GRIA1: variants seen among roughly 807,000 people sequenced by gnomAD.
GRIA1 encodes the protein glutamate receptor 1.
GRIA1 carries 31 observed loss-of-function variants against 99.2 expected under a neutral mutation model. The ratio of observed to expected loss-of-function variants is 0.31; its 90% CI spans 0.23 to 0.42. The LOEUF (loss-of-function observed/expected upper bound fraction) is 0.42. GRIA1 is among the 10% of genes least tolerant of loss of function. GRIA1 has a pLI of 1.00. For synonymous variants in GRIA1, 438 were observed against 432.4 expected (o/e 1.01, Z -0.16); for missense variants, 782 against 1,157.5 (o/e 0.68, Z 4.71).
rs535594287 is a variant in GRIA1 at position 153,807,713 on chromosome 5, A to G, written c.2521-3312A>G. Among the ~76,000 whole-genome samples the G allele has an allele frequency of 4.6e-5, 7 of 152,342 alleles. No individual in the cohort carries two copies. The East Asian group carries it at 1.2e-3, about 25-fold the overall frequency. On this transcript the variant is annotated intron_variant, in intron 15 of 15. Coordinates refer to ENST00000285900, the MANE Select transcript of GRIA1 (RefSeq NM_000827.4). Reference sequence around the variant, plus strand: ...ATTGTCATACAACAGCAGAAAATACATAACCTAAGACACATTGCAAATTGA... The same window carrying G: ...ATTGTCATACAACAGCAGAAAATACGTAACCTAAGACACATTGCAAATTGA...
chr5:153,665,759 TG>T (rs1263111579), intron 5 of GRIA1, among the ~76,000 whole-genome samples: 1 of 152,152 alleles, frequency 6.6e-6, no homozygotes, highest in Non-Finnish European at 1.5e-5. Context: ...AATGGAATCT[TG>T]GGGGAGAACT....
chr5:153,738,691 A>ATAAT (rs890468623), intron 11 of GRIA1, among the ~76,000 whole-genome samples: 15 of 142,534 alleles, frequency 1.1e-4, no homozygotes, highest in Admixed American at 5.6e-4. Context: ...CTGGGCTCCT[A>ATAAT]TAATGTTGCG....
chr5:153,620,734 G>A (rs1026433830), intron 2 of GRIA1, among the ~76,000 whole-genome samples: 1 of 152,016 alleles, frequency 6.6e-6, no homozygotes. Flanking sequence ...GAGTCTTGGG[G>A]GATATTAAGG....
At position 153,686,251 on chromosome 5, in the gene GRIA1, C is replaced by T. The variant is rs77292199; in HGVS notation, c.1056C>T (p.Asn352=). 4,223 of 1,613,778 alleles carry T rather than the reference C, an allele frequency of 2.6e-3. 67 individuals carry two copies. The African/African-American group carries it at 0.042, about 16-fold the overall frequency. The change falls in exon 8 of 16, where the codon AAC becomes AAT. Residue 352 remains asparagine, a synonymous_variant. Transcript: ENST00000285900. ...TGCGATTTGAAGGTTTAACAGGAAA[C>T]GTGCAGTTTAATGAGAAAGGACGCC... ...QQVRFEGLTG[N]VQFNEKGRRT...
intron 5 of GRIA1, among the ~76,000 whole-genome samples, chr5:153,664,535 G>A (rs1236288084): frequency 6.6e-6 from 1 of 151,372 alleles, no homozygotes; most frequent in Non-Finnish European, 1.5e-5. Flanking sequence ...CAGGCTTCAT[G>A]CTTTTGCTGC....
intron 5 of GRIA1, among the ~76,000 whole-genome samples, chr5:153,673,789 C>A (rs1168659098): frequency 6.6e-6 from 1 of 152,190 alleles, no homozygotes; most frequent in Admixed American, 6.5e-5. Flanking sequence ...ACAGTCGAAG[C>A]CTTCTTGAGT....
At chr5:153,566,916 C>T (rs1363786460) in intron 2 of GRIA1, among the ~76,000 whole-genome samples, 3 of 151,808 alleles carry the variant, frequency 2.0e-5, no homozygotes, top group East Asian at 3.9e-4. Flanking sequence ...GGGGCTTCAC[C>T]ATATTGGCCA....
chr5:153,605,635 C>T lies in GRIA1; in HGVS notation c.221-41293C>T, dbSNP rs78749864. ...GACAATTCCCATTGCTCCAAATTCT[C>T]TCAAACACTTGGGATTGTAAGTCAT... On this transcript the variant is annotated intron_variant, in intron 2 of 15. Coordinates refer to ENST00000285900, the MANE Select transcript of GRIA1 (RefSeq NM_000827.4). 5.5e-3 allele frequency among the ~76,000 whole-genome samples: 843 copies of T among 152,302 alleles called. 9 individuals are homozygous for T. Among genetic ancestry groups the T allele is most frequent in the African/African-American group, 0.02 (819 of 41,576 alleles).
intron 11 of GRIA1, among the ~76,000 whole-genome samples, chr5:153,742,301 G>A (rs955841372): frequency 6.6e-6 from 1 of 152,156 alleles, no homozygotes; most frequent in African/African-American, 2.4e-5. Flanking sequence ...GGCGGTGGAT[G>A]ACTAACAATA....
intron 2 of GRIA1, among the ~76,000 whole-genome samples, chr5:153,522,309 T>C (rs1042279327): frequency 6.6e-6 from 1 of 152,220 alleles, no homozygotes; most frequent in East Asian, 1.9e-4. Context: ...CATGTAAAGT[T>C]GTTATTATTG....
At chr5:153,795,313 G>A (rs1765574983) in intron 14 of GRIA1, among the ~76,000 whole-genome samples, 1 of 152,128 alleles carries the variant, frequency 6.6e-6, no homozygotes, top group African/African-American at 2.4e-5. Context: ...GTGTTGGGCG[G>A]GCAGTGACAT....
intron 11 of GRIA1, among the ~76,000 whole-genome samples, chr5:153,757,938 T>C (rs995968344): frequency 2.6e-5 from 4 of 152,160 alleles, no homozygotes; most frequent in Non-Finnish European, 5.9e-5. Context: ...GTAAATCACT[T>C]ACATTATTAG....
intron 11 of GRIA1, among the ~76,000 whole-genome samples, chr5:153,706,525 C>A (rs1758908452): frequency 6.6e-6 from 1 of 152,140 alleles, no homozygotes. Flanking sequence ...AATATCTTGC[C>A]AATGTTACAC....
chr5:153,591,285 G>C (rs536988762), intron 2 of GRIA1, among the ~76,000 whole-genome samples: 1 of 152,116 alleles, frequency 6.6e-6, no homozygotes, highest in Non-Finnish European at 1.5e-5. Context: ...TAATTTTACA[G>C]ACCATTCTTA....
At chr5:153,679,006 T>C (rs1162578249) in intron 7 of GRIA1, among the ~76,000 whole-genome samples, 1 of 152,214 alleles carries the variant, frequency 6.6e-6, no homozygotes, top group Non-Finnish European at 1.5e-5. Context: ...CCCATGTCCT[T>C]CTGGTTGTAG....
chr5:153,576,772 T>G (rs1271141853), intron 2 of GRIA1, among the ~76,000 whole-genome samples: 3 of 152,268 alleles, frequency 2.0e-5, no homozygotes, highest in Non-Finnish European at 4.4e-5. Flanking sequence ...CTATGTGTTT[T>G]GGACTTTACA....
At chr5:153,679,831 C>T (rs1241191338) in intron 7 of GRIA1, among the ~76,000 whole-genome samples, 1 of 152,152 alleles carries the variant, frequency 6.6e-6, no homozygotes, top group Non-Finnish European at 1.5e-5. Flanking sequence ...ATAAGTTAGG[C>T]CAAGAGGTCC....
chr5:153,810,938 A>G, intron 15 of GRIA1, 87 bp from the exon 16 acceptor site: 1 of 921,714 alleles, frequency 1.1e-6, no homozygotes, highest in Non-Finnish European at 1.8e-6. Context: ...GCAGAGTTGG[A>G]TTTACATTTG....
At chr5:153,663,347 C>T (rs1755510292) in intron 5 of GRIA1, among the ~76,000 whole-genome samples, 1 of 152,248 alleles carries the variant, frequency 6.6e-6, no homozygotes, top group African/African-American at 2.4e-5. Flanking sequence ...TTGGGCCACA[C>T]TGCCCAAACT....
Sources: gnomAD v4.1 joint callset for allele counts (sites outside exome capture counted in the v4.1 genomes callset) on GRCh38, gnomAD v4.1.1 for gene constraint, MANE v1.5 for transcripts, NCBI Gene and HGNC (gene_info 2026-07-23, HGNC 2026-07-21) for gene names.